SLIT1: variants seen among roughly 807,000 people sequenced by gnomAD.
SLIT1 encodes slit guidance ligand 1.
In SLIT1, 66 loss-of-function variants were observed where a neutral mutation model predicts 186.1. That is an observed-to-expected ratio of 0.35 (90% CI 0.29 to 0.44). SLIT1 has a LOEUF of 0.44. Ranked by LOEUF, SLIT1 falls within the 20% of genes least tolerant of loss-of-function variation. The probability of loss-of-function intolerance (pLI) is 1.00; values close to 1 mark genes in which losing one functional copy is unlikely to be tolerated. For missense variants in SLIT1, 1,638 were observed against 2,037.4 expected, an observed-to-expected ratio of 0.80 and a Z score of 3.77; for synonymous variants, 761 against 833.8, an observed-to-expected ratio of 0.91 and a Z score of 1.50.
chr10:97,180,541 AATAG>A (rs777554431), intron 1 of SLIT1, among the ~76,000 whole-genome samples: 2 of 152,256 alleles, frequency 1.3e-5, no homozygotes, highest in Non-Finnish European at 2.9e-5. Context: ...GCAGACGTTC[AATAG>A]ATAGCTATCT....
At chr10:97,147,661 G>A (rs2134709797) in intron 4 of SLIT1, among the ~76,000 whole-genome samples, 1 of 151,930 alleles carries the variant, frequency 6.6e-6, no homozygotes, top group Admixed American at 6.5e-5. Flanking sequence ...TTTGTGGGGG[G>A]CGACTGAGGC....
At chr10:97,106,387 A>AGAATGAATGAATGAATGAAC (rs1564677472) in intron 4 of SLIT1, among the ~76,000 whole-genome samples, 3 of 144,916 alleles carry the variant, frequency 2.1e-5, no homozygotes, top group African/African-American at 8.0e-5. Flanking sequence ...AGAGACAGAG[A>AGAATGAATGAATGAATGAAC]GAATGAATGA....
rs560259187 is a variant in SLIT1, at chr10:96,999,064, T to G, written c.*2048A>C. 6.6e-6 allele frequency: 1 copy of G among 152,362 alleles called. No individual in the cohort carries two copies. Among genetic ancestry groups the G allele is most frequent in the South Asian group, 2.1e-4 (1 of 4,822 alleles). The allele number at this position is 152,362 out of a possible 1,614,324, so 9.4% of individuals were successfully genotyped here. Reference sequence around the variant, plus strand: ...AGAGGCAAGCTAGCTGCCCTTGAGCTTTTCTGCCCTATCCAGCCCGGTGCA... The same window carrying G: ...AGAGGCAAGCTAGCTGCCCTTGAGCGTTTCTGCCCTATCCAGCCCGGTGCA... On this transcript the variant is annotated 3_prime_UTR_variant, in exon 37 of 37. Transcript: ENST00000266058.
intron 4 of SLIT1, among the ~76,000 whole-genome samples, chr10:97,128,632 C>T (rs1000939349): frequency 6.6e-6 from 1 of 152,182 alleles, no homozygotes; most frequent in Non-Finnish European, 1.5e-5. Flanking sequence ...GAAAGGCATG[C>T]CTGGAGCCCA....
At chr10:97,083,727 G>C (rs1849128655) in intron 4 of SLIT1, among the ~76,000 whole-genome samples, 1 of 152,308 alleles carries the variant, frequency 6.6e-6, no homozygotes, top group Admixed American at 6.5e-5. Context: ...ATTCCTATGA[G>C]TGTCTCAGGA....
chr10:97,133,452 G>A lies in SLIT1; in HGVS notation c.413+24366C>T, dbSNP rs145802938. Among the ~76,000 whole-genome samples, 242 of 152,232 alleles carry A rather than the reference G, an allele frequency of 1.6e-3. 1 individual carries two copies. Among genetic ancestry groups the A allele is most frequent in the South Asian group, 4.1e-3 (20 of 4,824 alleles). On this transcript the variant is annotated intron_variant, in intron 4 of 36. Coordinates refer to ENST00000266058, the MANE Select transcript of SLIT1 (RefSeq NM_003061.3). The stretch of plus-strand genomic sequence containing the variant: ...TGATTCCACTTCTATGAGGTACCTG[G>A]AGCTGTCAAATTTATAGAGACAGAA...
intron 11 of SLIT1, among the ~76,000 whole-genome samples, chr10:97,058,337 G>A (rs755197684): frequency 3.3e-5 from 5 of 152,164 alleles, no homozygotes; most frequent in African/African-American, 4.8e-5. Context: ...GCAGGGAGGT[G>A]GCTGTGACCA....
chr10:97,025,736 T>C (rs1290233793), intron 25 of SLIT1, among the ~76,000 whole-genome samples: 1 of 152,190 alleles, frequency 6.6e-6, no homozygotes, highest in Admixed American at 6.5e-5. Context: ...TGGCATAATA[T>C]GGAAATAGTT....
At chr10:97,076,688 C>T (rs985832478) in intron 4 of SLIT1, among the ~76,000 whole-genome samples, 6 of 152,218 alleles carry the variant, frequency 3.9e-5, no homozygotes, top group Admixed American at 1.3e-4. Context: ...CATTGTGCTG[C>T]CTTGGGCCTC....
chr10:97,082,812 G>A (rs1849118880), intron 4 of SLIT1, among the ~76,000 whole-genome samples: 1 of 152,208 alleles, frequency 6.6e-6, no homozygotes, highest in African/African-American at 2.4e-5. Flanking sequence ...CAGAGAGAAT[G>A]TGTGTGGGAG....
chr10:97,120,180 G>A (rs761533169), intron 4 of SLIT1, among the ~76,000 whole-genome samples: 14 of 151,942 alleles, frequency 9.2e-5, no homozygotes, highest in Non-Finnish European at 1.6e-4. Flanking sequence ...GTAAGGTGCA[G>A]GGTCAGATTC....
chr10:97,099,040 G>C (rs1482523341), intron 4 of SLIT1, among the ~76,000 whole-genome samples: 1 of 152,082 alleles, frequency 6.6e-6, no homozygotes, highest in Admixed American at 6.5e-5. Context: ...GAGCGTGTGT[G>C]ACTTGCCCAG....
At chr10:97,135,422 T>C (rs886359044) in intron 4 of SLIT1, among the ~76,000 whole-genome samples, 1 of 152,100 alleles carries the variant, frequency 6.6e-6, no homozygotes, top group Non-Finnish European at 1.5e-5. Context: ...GAACACAGAC[T>C]TGAAGAGCCA....
At chr10:97,170,976 TC>T (rs1323362451) in intron 1 of SLIT1, among the ~76,000 whole-genome samples, 1 of 151,986 alleles carries the variant, frequency 6.6e-6, no homozygotes. Flanking sequence ...CCACTCCTGT[TC>T]CCTCAGGGAC....
intron 26 of SLIT1, 87 bp from the exon 27 acceptor site, chr10:97,019,194 G>T: frequency 1.2e-6 from 1 of 844,550 alleles, no homozygotes; most frequent in Non-Finnish European, 2.0e-6. Context: ...AGGAGCCCAT[G>T]TCCAAGGAGC....
At chr10:97,002,473 C>T in intron 35 of SLIT1, 104 bp from the exon 36 acceptor site, 3 of 773,510 alleles carry the variant, frequency 3.9e-6, no homozygotes, top group South Asian at 3.7e-5. Context: ...GCCCTGACTT[C>T]ACAGGTCTTT....
chr10:97,091,758 C>T (rs1290512768), intron 4 of SLIT1, among the ~76,000 whole-genome samples: 1 of 152,220 alleles, frequency 6.6e-6, no homozygotes, highest in African/African-American at 2.4e-5. Flanking sequence ...GGCTGAAGTG[C>T]ACAGAGCTCG....
intron 4 of SLIT1, among the ~76,000 whole-genome samples, chr10:97,069,547 G>A (rs1167652052): frequency 6.6e-6 from 1 of 152,240 alleles, no homozygotes; most frequent in Non-Finnish European, 1.5e-5. Flanking sequence ...AGATGGGAGA[G>A]TGCAGAGAAG....
intron 4 of SLIT1, among the ~76,000 whole-genome samples, chr10:97,074,726 C>T (rs571679340): frequency 5.3e-5 from 8 of 152,302 alleles, no homozygotes; most frequent in African/African-American, 1.4e-4. Flanking sequence ...GTCGGCCGCC[C>T]GCCCCTGAAG....
Sources: gnomAD v4.1 joint callset for allele counts (sites outside exome capture counted in the v4.1 genomes callset) on GRCh38, gnomAD v4.1.1 for gene constraint, MANE v1.5 for transcripts, NCBI Gene and HGNC (gene_info 2026-07-23, HGNC 2026-07-21) for gene names.